The following PRDM16 variants were observed in gnomAD, a reference collection of about 807,000 sequenced individuals.
The protein encoded by PRDM16 is PR/SET domain 16, also known as histone-lysine N-methyltransferase PRDM16.
Under a neutral mutation model 110.6 loss-of-function variants are expected in PRDM16, and 23 were observed. That is an observed-to-expected ratio of 0.21 (90% CI 0.15 to 0.29). The LOEUF (loss-of-function observed/expected upper bound fraction) is 0.29, where lower values mean the gene tolerates loss of function less well. Ranked by LOEUF, PRDM16 falls within the 10% of genes least tolerant of loss-of-function variation. The pLI is 1.00. For missense variants in PRDM16, 1,615 were observed against 1,794.3 expected (o/e 0.90, Z 1.81); for synonymous variants, 799 against 781.8 (o/e 1.02, Z -0.37).
intron 1 of PRDM16, among the ~76,000 whole-genome samples, chr1:3,127,788 T>C (rs1643240913): frequency 6.6e-6 from 1 of 152,184 alleles, no homozygotes; most frequent in South Asian, 2.1e-4. Context: ...GCCTGCCCCA[T>C]AAAGGCAGAG....
chr1:3,145,054 C>T (rs1643619765), intron 1 of PRDM16, among the ~76,000 whole-genome samples: 2 of 152,176 alleles, frequency 1.3e-5, no homozygotes, highest in South Asian at 4.1e-4. Context: ...CCCTAGATGT[C>T]CCTGCACTTG....
At chr1:3,140,298 T>C (rs1343098437) in intron 1 of PRDM16, among the ~76,000 whole-genome samples, 1 of 152,150 alleles carries the variant, frequency 6.6e-6, no homozygotes, top group Admixed American at 6.5e-5. Flanking sequence ...AGGGACAGCA[T>C]CAATTTGATT....
intron 1 of PRDM16, among the ~76,000 whole-genome samples, chr1:3,137,141 C>T (rs1174797351): frequency 6.6e-6 from 1 of 152,206 alleles, no homozygotes; most frequent in Non-Finnish European, 1.5e-5. Context: ...GAGCCACTCC[C>T]ACCAGAACAG....
chr1:3,104,962 G>C (rs892153009), intron 1 of PRDM16, among the ~76,000 whole-genome samples: 5 of 152,168 alleles, frequency 3.3e-5, no homozygotes, highest in African/African-American at 1.2e-4. Context: ...GAGTCCCTCA[G>C]TGCATGGGAG....
At chr1:3,336,481 CAT>C (rs529939380) in intron 3 of PRDM16, among the ~76,000 whole-genome samples, 21 of 151,754 alleles carry the variant, frequency 1.4e-4, no homozygotes, top group South Asian at 4.2e-4. Context: ...CATACATACA[CAT>C]GTGTGTTGGT....
At position 3,437,374 on chromosome 1, in the gene PRDM16, C is replaced by T. The variant is rs1027280677; in HGVS notation, c.*3563C>T. On this transcript the variant is annotated 3_prime_UTR_variant, in exon 17 of 17. Transcript: ENST00000270722. ...CTGAATACATATCACGTATTTTAGACTCGAAGCCTCAAAGCACTGGATTGT... is the reference window on the plus strand; with the variant it reads ...CTGAATACATATCACGTATTTTAGATTCGAAGCCTCAAAGCACTGGATTGT... 4.3e-6 allele frequency: 1 copy of T among 232,476 alleles called. No individual in the cohort carries two copies. The highest frequency in any genetic ancestry group is 8.5e-6 in the Non-Finnish European group (1 of 117,516). The allele number at this position is 232,476 out of a possible 1,614,324, so 14.4% of individuals were successfully genotyped here. A position where few individuals can be genotyped will look rare whatever the true frequency, so the allele number is the denominator to read the frequency against.
intron 1 of PRDM16, among the ~76,000 whole-genome samples, chr1:3,181,565 CGCAGTCTTACACACGGTCTTACATAT>C (rs1416132973): frequency 8.8e-5 from 3 of 33,930 alleles, no homozygotes; most frequent in African/African-American, 2.9e-4. Flanking sequence ...GTCTTACACA[CGCAGTCTTACACACGGTCTTACATAT>C]GGTCTTACAC....
At chr1:3,220,439 C>T (rs1249811731) in intron 2 of PRDM16, among the ~76,000 whole-genome samples, 2 of 152,192 alleles carry the variant, frequency 1.3e-5, no homozygotes, top group Non-Finnish European at 2.9e-5. Flanking sequence ...GACCTGGTCA[C>T]GCAGGACCAG....
chr1:3,072,308 C>T (rs1181716412), intron 1 of PRDM16, among the ~76,000 whole-genome samples: 1 of 152,198 alleles, frequency 6.6e-6, no homozygotes, highest in Non-Finnish European at 1.5e-5. Flanking sequence ...CCTCATAGCA[C>T]AGCTGGGGGC....
At chr1:3,180,162 C>CTGTTTTT (rs1031445650) in intron 1 of PRDM16, among the ~76,000 whole-genome samples, 1 of 152,004 alleles carries the variant, frequency 6.6e-6, no homozygotes, top group African/African-American at 2.4e-5. Flanking sequence ...TCTGTTGTTT[C>CTGTTTTT]TGTTTTTTGT....
intron 3 of PRDM16, among the ~76,000 whole-genome samples, chr1:3,263,502 TCA>T (rs1008872622): frequency 3.3e-5 from 5 of 152,204 alleles, no homozygotes; most frequent in Non-Finnish European, 5.9e-5. Flanking sequence ...GGGATCGCAC[TCA>T]CAGAGATCCC....
At chr1:3,408,809 C>T (rs919296322) in intron 8 of PRDM16, among the ~76,000 whole-genome samples, 14 of 108,930 alleles carry the variant, frequency 1.3e-4, no homozygotes, top group Admixed American at 9.2e-5. Context: ...TGTGTGAGCG[C>T]GTGTGGGCGC....
chr1:3,385,084 G>A, intron 3 of PRDM16, 68 bp from the exon 4 acceptor site: 3 of 1,584,500 alleles, frequency 1.9e-6, no homozygotes, highest in Non-Finnish European at 2.6e-6. Flanking sequence ...TTCTGGGTGG[G>A]CAGAGGCTGT....
chr1:3,260,351 T>G (rs1640132430), intron 3 of PRDM16, among the ~76,000 whole-genome samples: 2 of 152,318 alleles, frequency 1.3e-5, no homozygotes, highest in South Asian at 4.1e-4. Flanking sequence ...ACAAGCACTT[T>G]CTGTGGGCCT....
At chr1:3,147,678 G>A (rs1243764644) in intron 1 of PRDM16, among the ~76,000 whole-genome samples, 1 of 152,152 alleles carries the variant, frequency 6.6e-6, no homozygotes, top group Non-Finnish European at 1.5e-5. Flanking sequence ...CCCAAGCAAG[G>A]ATCTGGGCAC....
chr1:3,431,193 G>C lies in PRDM16; in HGVS notation c.3521+85G>C, dbSNP rs569608591. 3.4e-4 allele frequency: 504 copies of C among 1,497,706 alleles called. 4 individuals are homozygous for C. In the African/African-American group the frequency reaches 6.0e-3, roughly 18 times the overall value. The allele number at this position is 1,497,706 out of a possible 1,614,324, so 92.8% of individuals were successfully genotyped here. The stretch of plus-strand genomic sequence containing the variant: ...GGGGGACCTCCCTCTTCAGCCACTC[G>C]TGAGCCCATCCCTGGCTCAGCCCCT... On this transcript the variant is annotated intron_variant, in intron 15 of 16. Coordinates refer to ENST00000270722, the MANE Select transcript of PRDM16 (RefSeq NM_022114.4).
chr1:3,315,539 C>T (rs537018460), intron 3 of PRDM16, among the ~76,000 whole-genome samples: 1 of 152,256 alleles, frequency 6.6e-6, no homozygotes, highest in African/African-American at 2.4e-5. Context: ...TCTCTTTGTT[C>T]TTTCTGAGAG....
intron 3 of PRDM16, among the ~76,000 whole-genome samples, chr1:3,354,458 T>C (rs1473537279): frequency 1.8e-5 from 1 of 54,358 alleles, no homozygotes; most frequent in Non-Finnish European, 3.1e-5. Flanking sequence ...AGACTCTGCC[T>C]CAAAAAAAAA....
rs746841183 is a variant in PRDM16 at position 3,078,478 on chromosome 1, T to C, written c.37+9182T>C. On this transcript the variant is annotated intron_variant, in intron 1 of 16. Coordinates refer to ENST00000270722, the MANE Select transcript of PRDM16 (RefSeq NM_022114.4). ...ACCCCAACCCCCGCCGCTCTAGACA[T>C]GAGGCTCAGGGCCTCCTCTCTGCAC... Among the ~76,000 whole-genome samples, 82 of 152,304 alleles carry C rather than the reference T, an allele frequency of 5.4e-4. 1 individual carries two copies. The highest frequency in any genetic ancestry group is 1.5e-3 in the African/African-American group (61 of 41,576).
Sources: gnomAD v4.1 joint callset for allele counts (sites outside exome capture counted in the v4.1 genomes callset) on GRCh38, gnomAD v4.1.1 for gene constraint, MANE v1.5 for transcripts, NCBI Gene and HGNC (gene_info 2026-07-23, HGNC 2026-07-21) for gene names.